TEX11: variants seen among roughly 807,000 people sequenced by gnomAD.
TEX11 encodes testis expressed 11.
Under a neutral mutation model 84.4 loss-of-function variants are expected in TEX11, and 7 were observed. The ratio of observed to expected loss-of-function variants is 0.08; its 90% confidence interval spans 0.05 to 0.16. The LOEUF is 0.16. Ranked by LOEUF, TEX11 falls within the 10% of genes least tolerant of loss-of-function variation. The pLI is 1.00. For synonymous variants in TEX11, 264 were observed against 222.8 expected (o/e 1.18, Z -1.64); for missense variants, 551 against 660.5 (o/e 0.83, Z 1.82).
intron 17 of TEX11, among the ~76,000 whole-genome samples, chrX:70,635,339 C>T (rs1488524323): frequency 8.9e-6 from 1 of 112,346 alleles, no homozygotes; most frequent in Non-Finnish European, 1.9e-5. Context: ...TAAAACTCAT[C>T]ACTGGGCAGG....
chrX:70,545,222 ACAAAAAACCC>A (rs1262991627), intron 28 of TEX11, among the ~76,000 whole-genome samples: 1 of 112,063 alleles, frequency 8.9e-6, no homozygotes, highest in Admixed American at 9.5e-5. Flanking sequence ...CAAAAACAAA[ACAAAAAACCC>A]CAACTTTTTG....
At chrX:70,875,576 T>C (rs868708406) in intron 3 of TEX11, among the ~76,000 whole-genome samples, 1 of 71,731 alleles carries the variant, frequency 1.4e-5, no homozygotes, top group African/African-American at 5.6e-5. Flanking sequence ...CCGTCTCTAC[T>C]AAAAATACAA....
chrX:70,591,741 C>G lies in TEX11; in HGVS notation c.2140+10G>C. 1 of 1,185,830 alleles carries G rather than the reference C, an allele frequency of 8.4e-7. No homozygotes were observed. Among genetic ancestry groups the G allele is most frequent in the Admixed American group, 2.2e-5 (1 of 45,549 alleles). On this transcript the variant is annotated intron_variant, in intron 25 of 29. Transcript: ENST00000374333. ...AAACTGTGTTACCAAACTTCCAGTT[C>G]CTACTGTACCTGTTTGTTTCAGGAA...
At chrX:70,756,403 G>A (rs2090868275) in intron 9 of TEX11, among the ~76,000 whole-genome samples, 1 of 111,635 alleles carries the variant, frequency 9.0e-6, no homozygotes. Context: ...GCCCCTCTGG[G>A]ACAAAGCTTC....
intron 9 of TEX11, among the ~76,000 whole-genome samples, chrX:70,767,684 T>G (rs1287585040): frequency 8.9e-6 from 1 of 111,979 alleles, no homozygotes; most frequent in Non-Finnish European, 1.9e-5. Flanking sequence ...CTATGTTTGT[T>G]GCAGCACTGT....
At chrX:70,615,271 T>A (rs7062211) in intron 20 of TEX11, among the ~76,000 whole-genome samples, 9,158 of 111,069 alleles carry the variant, frequency 0.082, 846 homozygotes, top group African/African-American at 0.26. Flanking sequence ...AAAATAGCTG[T>A]TTTGAGGAAA....
At chrX:70,789,463 G>C (rs1293587603) in intron 9 of TEX11, among the ~76,000 whole-genome samples, 1 of 111,452 alleles carries the variant, frequency 9.0e-6, no homozygotes, top group African/African-American at 3.3e-5. Flanking sequence ...ATGGTGGCAG[G>C]CGCCTGTGAT....
intron 25 of TEX11, among the ~76,000 whole-genome samples, chrX:70,571,947 T>C (rs963046094): frequency 2.7e-5 from 3 of 111,215 alleles, no homozygotes; most frequent in African/African-American, 6.5e-5. Flanking sequence ...AAGATAACTG[T>C]ACAAGAAAAT....
rs180974862 is a variant in TEX11, at chrX:70,726,859, A to G, written c.844-1516T>C. Among the ~76,000 whole-genome samples the G allele has an allele frequency of 2.9e-3, 306 of 106,236 alleles. 1 individual carries two copies. Among genetic ancestry groups the G allele is most frequent in the African/African-American group, 9.7e-3 (282 of 28,993 alleles). 92.3% of individuals were successfully genotyped at this position (106,236 alleles called of 115,157 possible). A position where few individuals can be genotyped will look rare whatever the true frequency, so the allele number is the denominator to read the frequency against. ...TTTTTTTTTTCATTATTTGAGACAG[A>G]GTCTCACTCTGTCTCCCAGGCTGGA... On this transcript the variant is annotated intron_variant, in intron 11 of 29. Transcript: ENST00000374333.
chrX:70,880,096 G>C lies in TEX11; in HGVS notation c.51C>G (p.Asn17Lys). ...TAGGTGAATTATCATTTGTAACCAGGTTTTCAACAACTTCTGAAATGACAA... is the reference window on the plus strand; with the variant it reads ...TAGGTGAATTATCATTTGTAACCAGCTTTTCAACAACTTCTGAAATGACAA... ...FSMDFKEVVENLVTNDNSPNI... is the reference protein window; with the variant it reads ...FSMDFKEVVEKLVTNDNSPNI... Residue 17 changes from asparagine (N) to lysine (K), a missense_variant, in exon 3 of 30, where the codon AAC (asparagine) becomes AAG (lysine). Coordinates refer to ENST00000374333, the MANE Select transcript of TEX11 (RefSeq NM_031276.3). 1 of 1,183,328 alleles carries C rather than the reference G, an allele frequency of 8.5e-7. No homozygotes were observed.
At chrX:70,802,589 G>C (rs772402926) in intron 9 of TEX11, among the ~76,000 whole-genome samples, 2 of 111,132 alleles carry the variant, frequency 1.8e-5, no homozygotes, top group African/African-American at 6.5e-5. Flanking sequence ...AAAATAGTGA[G>C]CTTCTCAAGT....
At chrX:70,753,317 G>A (rs1036061866) in intron 9 of TEX11, among the ~76,000 whole-genome samples, 7 of 110,960 alleles carry the variant, frequency 6.3e-5, no homozygotes, top group Non-Finnish European at 1.3e-4. Context: ...AGCTCAACAA[G>A]ACTCCAAAAG....
chrX:70,795,319 AG>A (rs2091149560), intron 9 of TEX11, among the ~76,000 whole-genome samples: 1 of 110,672 alleles, frequency 9.0e-6, no homozygotes, highest in African/African-American at 3.3e-5. Flanking sequence ...CACAGTAAAA[AG>A]GAGCACCAGG....
chrX:70,544,712 G>A (rs1452753185), intron 28 of TEX11, among the ~76,000 whole-genome samples: 8 of 107,971 alleles, frequency 7.4e-5, no homozygotes, highest in African/African-American at 2.4e-4. Context: ...GGTGGCACAC[G>A]CCTGTAATCC....
chrX:70,840,786 T>C (rs1269285231), intron 7 of TEX11, among the ~76,000 whole-genome samples: 4 of 111,436 alleles, frequency 3.6e-5, no homozygotes, highest in African/African-American at 1.3e-4. Flanking sequence ...TGGAGGAAGA[T>C]CTACCAAGCA....
At chrX:70,847,658 C>A (rs1476974459) in intron 7 of TEX11, among the ~76,000 whole-genome samples, 1 of 111,959 alleles carries the variant, frequency 8.9e-6, no homozygotes, top group Non-Finnish European at 1.9e-5. Context: ...CCTCCTGTTT[C>A]AGCCTCCCAT....
intron 23 of TEX11, among the ~76,000 whole-genome samples, chrX:70,606,472 A>G (rs1416289363): frequency 8.9e-6 from 1 of 112,038 alleles, no homozygotes; most frequent in Non-Finnish European, 1.9e-5. Flanking sequence ...AAACTCACAA[A>G]TCGCTACACT....
chrX:70,836,333 T>A (rs1471473642), intron 7 of TEX11, among the ~76,000 whole-genome samples: 2 of 111,225 alleles, frequency 1.8e-5, no homozygotes, highest in Non-Finnish European at 3.8e-5. Flanking sequence ...ATCAATCAAC[T>A]GGACTTCATC....
intron 13 of TEX11, among the ~76,000 whole-genome samples, chrX:70,710,421 G>C (rs1329340752): frequency 9.0e-6 from 1 of 111,541 alleles, no homozygotes; most frequent in African/African-American, 3.2e-5. Flanking sequence ...AGGACCCCTG[G>C]ATCAAATAAA....
Sources: gnomAD v4.1 joint callset for allele counts (sites outside exome capture counted in the v4.1 genomes callset) on GRCh38, gnomAD v4.1.1 for gene constraint, MANE v1.5 for transcripts, NCBI Gene and HGNC (gene_info 2026-07-23, HGNC 2026-07-21) for gene names.